DENND1A: variants seen among roughly 807,000 people sequenced by gnomAD.
DENND1A encodes the protein DENN domain containing 1A.
DENND1A carries 51 observed loss-of-function variants against 113.7 expected under a neutral mutation model. The observed-to-expected ratio is 0.45, with a 90% CI of 0.36 to 0.57. DENND1A has a LOEUF of 0.57. DENND1A is among the 20% of genes least tolerant of loss of function. The pLI is 0.00. For synonymous variants in DENND1A, 565 were observed against 570.8 expected, an observed-to-expected ratio of 0.99 and a Z score of 0.14; for missense variants, 1,258 against 1,395.9, an observed-to-expected ratio of 0.90 and a Z score of 1.57.
chr9:123,506,278 G>A (rs1028317454), intron 13 of DENND1A, among the ~76,000 whole-genome samples: 14 of 152,098 alleles, frequency 9.2e-5, no homozygotes, highest in Admixed American at 4.6e-4. Context: ...TGCCCCGCAC[G>A]GAGTAAGCAC....
chr9:123,621,903 C>T (rs2060983123), intron 10 of DENND1A, among the ~76,000 whole-genome samples: 1 of 152,174 alleles, frequency 6.6e-6, no homozygotes, highest in Non-Finnish European at 1.5e-5. Context: ...GTGGACTGTG[C>T]ATCTTTTGTT....
chr9:123,438,932 C>G (rs2132307959), intron 19 of DENND1A, among the ~76,000 whole-genome samples: 1 of 152,342 alleles, frequency 6.6e-6, no homozygotes, highest in East Asian at 1.9e-4. Flanking sequence ...ATCCCTCTCC[C>G]CCGCCCCCTC....
chr9:123,685,856 C>T (rs2064775692), intron 5 of DENND1A, among the ~76,000 whole-genome samples: 2 of 152,110 alleles, frequency 1.3e-5, no homozygotes, highest in African/African-American at 4.8e-5. Context: ...ATTCACACAC[C>T]TGCAAGACTT....
chr9:123,540,029 G>T (rs2056167519), intron 13 of DENND1A, among the ~76,000 whole-genome samples: 1 of 152,054 alleles, frequency 6.6e-6, no homozygotes, highest in African/African-American at 2.4e-5. Context: ...ACACTTCTTT[G>T]TAAACAGTGT....
At chr9:123,516,139 C>T (rs188312781) in intron 13 of DENND1A, among the ~76,000 whole-genome samples, 6,679 of 147,054 alleles carry the variant, frequency 0.045, 252 homozygotes, top group Middle Eastern at 0.11. Flanking sequence ...CACACACACA[C>T]ACACACACAC....
intron 11 of DENND1A, among the ~76,000 whole-genome samples, chr9:123,607,512 CACACACACAGAGAG>C (rs1365721632): frequency 5.4e-5 from 5 of 92,912 alleles, no homozygotes; most frequent in African/African-American, 1.8e-4. Context: ...CACACACACA[CACACACACAGAGAG>C]AGAGAGAGAG....
intron 1 of DENND1A, among the ~76,000 whole-genome samples, chr9:123,897,735 AAG>A (rs1172309966): frequency 6.6e-6 from 1 of 152,108 alleles, no homozygotes; most frequent in Non-Finnish European, 1.5e-5. Context: ...TTGAGAGGCC[AAG>A]AGAGAGGATC....
At chr9:123,795,518 AC>A (rs1833633679) in intron 2 of DENND1A, among the ~76,000 whole-genome samples, 3 of 152,268 alleles carry the variant, frequency 2.0e-5, no homozygotes, top group Middle Eastern at 3.4e-3. Context: ...AGTTAAGCAA[AC>A]CGCCTTTAAA....
intron 13 of DENND1A, among the ~76,000 whole-genome samples, chr9:123,460,496 G>C (rs573299254): frequency 6.6e-6 from 1 of 152,162 alleles, no homozygotes; most frequent in East Asian, 1.9e-4. Flanking sequence ...GCCTGCTGGC[G>C]TCTCAAACTC....
At chr9:123,523,431 A>G (rs2054555972) in intron 13 of DENND1A, among the ~76,000 whole-genome samples, 1 of 152,240 alleles carries the variant, frequency 6.6e-6, no homozygotes, top group Non-Finnish European at 1.5e-5. Flanking sequence ...TGCTACACAG[A>G]TAATACGTTA....
At chr9:123,886,578 C>A (rs1439360946) in intron 1 of DENND1A, among the ~76,000 whole-genome samples, 1 of 152,212 alleles carries the variant, frequency 6.6e-6, no homozygotes, top group Admixed American at 6.5e-5. Context: ...ACTGTATACA[C>A]TTCAGAACGC....
chr9:123,865,117 C>A (rs1845631071), intron 2 of DENND1A, among the ~76,000 whole-genome samples: 1 of 152,146 alleles, frequency 6.6e-6, no homozygotes, highest in Non-Finnish European at 1.5e-5. Context: ...CCATCCCCAG[C>A]ACCTTTCGCA....
intron 19 of DENND1A, among the ~76,000 whole-genome samples, chr9:123,439,058 G>A (rs1305779638): frequency 6.6e-6 from 1 of 152,232 alleles, no homozygotes; most frequent in Admixed American, 6.5e-5. Flanking sequence ...CCACGCTGGC[G>A]ACAACCAGGG....
At chr9:123,785,768 A>G (rs1275583798) in intron 3 of DENND1A, among the ~76,000 whole-genome samples, 1 of 152,228 alleles carries the variant, frequency 6.6e-6, no homozygotes, top group Non-Finnish European at 1.5e-5. Context: ...CTTAGGCCGA[A>G]TAGTCTAAAG....
intron 2 of DENND1A, among the ~76,000 whole-genome samples, chr9:123,872,383 T>A (rs1400807870): frequency 1.3e-5 from 2 of 152,216 alleles, no homozygotes; most frequent in African/African-American, 2.4e-5. Context: ...ATGTAATAAT[T>A]CATAGCAACT....
chr9:123,799,362 C>T (rs1253412810), intron 2 of DENND1A, among the ~76,000 whole-genome samples: 1 of 152,174 alleles, frequency 6.6e-6, no homozygotes, highest in African/African-American at 2.4e-5. Context: ...GGAACAAATG[C>T]TCTGCTGTGG....
chr9:123,836,576 G>A (rs1841082195), intron 2 of DENND1A, among the ~76,000 whole-genome samples: 1 of 152,086 alleles, frequency 6.6e-6, no homozygotes, highest in Non-Finnish European at 1.5e-5. Flanking sequence ...AGGTGGTTAA[G>A]TAAAATATAT....
chr9:123,468,487 A>G (rs887399606), intron 13 of DENND1A, among the ~76,000 whole-genome samples: 2 of 152,190 alleles, frequency 1.3e-5, no homozygotes, highest in Non-Finnish European at 2.9e-5. Context: ...TTAAGAATAA[A>G]GCAAGCTGGG....
At chr9:123,458,790 C>G (rs865976928) in intron 13 of DENND1A, among the ~76,000 whole-genome samples, 37 of 152,158 alleles carry the variant, frequency 2.4e-4, no homozygotes, top group African/African-American at 6.3e-4. Context: ...GCAGAAACCC[C>G]GTCTCTACTG....
Sources: allele counts gnomAD v4.1 joint callset (sites outside exome capture counted in the v4.1 genomes callset), GRCh38; gene constraint gnomAD v4.1.1; transcripts MANE v1.5; gene names NCBI Gene and HGNC (gene_info 2026-07-23, HGNC 2026-07-21).